Variants in ARB2A observed in about 807,000 individuals in gnomAD.
ARB2A encodes the protein cotranscriptional regulator ARB2A.
At chr5:93,946,911 T>C in the ARB2A span, among the ~76,000 whole-genome samples, 1 of 152,230 alleles carries the variant, frequency 6.6e-6, no homozygotes, top group Admixed American at 6.5e-5. Context: ...ATACATGCTT[T>C]TCTCCTATTT....
chr5:93,736,293 T>G, the ARB2A span: 1 of 152,230 alleles, frequency 6.6e-6, no homozygotes, highest in African/African-American at 2.4e-5. Context: ...ATACAGCTTA[T>G]AGGTGTGTTC....
At chr5:93,921,780 G>T in the ARB2A span, among the ~76,000 whole-genome samples, 1 of 152,076 alleles carries the variant, frequency 6.6e-6, no homozygotes, top group Admixed American at 6.5e-5. Context: ...CTGTTTTTTG[G>T]TTGTACAACA....
the ARB2A span, among the ~76,000 whole-genome samples, chr5:94,015,940 A>C: frequency 6.6e-6 from 1 of 152,108 alleles, no homozygotes; most frequent in Admixed American, 6.5e-5. Context: ...TAGTAAGTGA[A>C]TAATAACAGC....
the ARB2A span, among the ~76,000 whole-genome samples, chr5:93,913,213 A>T: frequency 6.6e-6 from 1 of 151,808 alleles, no homozygotes; most frequent in African/African-American, 2.4e-5. Context: ...TTCTATAGTC[A>T]AAGGGGCTGG....
chr5:93,987,273 G>A, the ARB2A span, among the ~76,000 whole-genome samples: 1 of 152,128 alleles, frequency 6.6e-6, no homozygotes, highest in East Asian at 1.9e-4. Flanking sequence ...ATAAAAGAAG[G>A]AAGAGTCAGA....
At chr5:94,047,000 A>G in the ARB2A span, among the ~76,000 whole-genome samples, 1 of 152,230 alleles carries the variant, frequency 6.6e-6, no homozygotes, top group African/African-American at 2.4e-5. Context: ...TATTCCAAAC[A>G]TGACATAAGA....
the ARB2A span, among the ~76,000 whole-genome samples, chr5:93,812,158 A>T: frequency 2.0e-5 from 3 of 152,272 alleles, no homozygotes; most frequent in Admixed American, 2.0e-4. Flanking sequence ...TAATATGTAG[A>T]CATAATATAA....
the ARB2A span, among the ~76,000 whole-genome samples, chr5:93,772,200 G>T: frequency 2.0e-4 from 31 of 152,100 alleles, no homozygotes; most frequent in African/African-American, 7.5e-4. Flanking sequence ...GTAAACTATC[G>T]CAAGAACAAA....
At chr5:93,730,491 G>A in the ARB2A span, among the ~76,000 whole-genome samples, 1 of 152,014 alleles carries the variant, frequency 6.6e-6, no homozygotes, top group African/African-American at 2.4e-5. Context: ...TTATTTAATG[G>A]TTGATTATTA....
the ARB2A span, among the ~76,000 whole-genome samples, chr5:93,626,326 G>A: frequency 6.6e-6 from 1 of 152,088 alleles, no homozygotes; most frequent in Non-Finnish European, 1.5e-5. Context: ...CAGAGATAAG[G>A]TTTACTGGTA....
At chr5:94,010,348 T>C in the ARB2A span, among the ~76,000 whole-genome samples, 2 of 152,130 alleles carry the variant, frequency 1.3e-5, no homozygotes, top group East Asian at 1.9e-4. Context: ...AACAATAAAA[T>C]TGGAGACTTT....
At chr5:93,739,372 A>C in the ARB2A span, 1 of 152,186 alleles carries the variant, frequency 6.6e-6, no homozygotes, top group Non-Finnish European at 1.5e-5. Flanking sequence ...CTAGGGAATA[A>C]AAATTGTAGT....
chr5:93,645,110 G>T, the ARB2A span, among the ~76,000 whole-genome samples: 1 of 152,118 alleles, frequency 6.6e-6, no homozygotes, highest in East Asian at 1.9e-4. Flanking sequence ...TTTTTAAAGA[G>T]AATCATTTTC....
the ARB2A span, among the ~76,000 whole-genome samples, chr5:93,797,405 C>G: frequency 6.6e-6 from 1 of 152,156 alleles, no homozygotes; most frequent in East Asian, 1.9e-4. Flanking sequence ...ATAATTCAAA[C>G]AGCAAAATTC....
chr5:93,836,716 A>G, the ARB2A span, among the ~76,000 whole-genome samples: 1 of 152,134 alleles, frequency 6.6e-6, no homozygotes, highest in African/African-American at 2.4e-5. Context: ...TGTATACTGG[A>G]TGCATAAAAG....
the ARB2A span, among the ~76,000 whole-genome samples, chr5:93,944,707 CAG>C: frequency 2.6e-5 from 4 of 151,398 alleles, no homozygotes; most frequent in Non-Finnish European, 5.9e-5. Context: ...GAACAAAAGA[CAG>C]AAAGAGATGA....
chr5:93,789,924 C>G, the ARB2A span, among the ~76,000 whole-genome samples: 3 of 152,126 alleles, frequency 2.0e-5, no homozygotes, highest in African/African-American at 4.8e-5. Context: ...ATGTGAAGAC[C>G]AAACTGCCCA....
the ARB2A span, among the ~76,000 whole-genome samples, chr5:93,845,305 A>C: frequency 6.6e-6 from 1 of 152,220 alleles, no homozygotes; most frequent in Non-Finnish European, 1.5e-5. Flanking sequence ...TTAGGAGTAC[A>C]TATAGTTAAC....
chr5:93,935,057 G>A, the ARB2A span, among the ~76,000 whole-genome samples: 31 of 152,214 alleles, frequency 2.0e-4, no homozygotes, highest in South Asian at 5.8e-3. Context: ...ATGATACAAT[G>A]GACTTTGGGG....
Sources: allele counts gnomAD v4.1 joint callset (sites outside exome capture counted in the v4.1 genomes callset), GRCh38; gene constraint gnomAD v4.1.1; transcripts MANE v1.5; gene names NCBI Gene and HGNC (gene_info 2026-07-23, HGNC 2026-07-21).